The following ZNF30 variants were observed in gnomAD, a reference collection of about 807,000 sequenced individuals.
ZNF30 encodes zinc finger protein 30.
ZNF30 carries 15 observed loss-of-function variants against 13.2 expected under a neutral mutation model. The observed-to-expected ratio is 1.13, with a 90% CI of 0.76 to 1.75. The LOEUF is 1.75. ZNF30 is among the 40% of genes most tolerant of loss of function. The pLI is 0.00. For missense variants in ZNF30, 726 were observed against 757.0 expected, an observed-to-expected ratio of 0.96 and a Z score of 0.48; for synonymous variants, 223 against 256.6, an observed-to-expected ratio of 0.87 and a Z score of 1.25.
chr19:34,924,568 C>T (rs1023801727), upstream of ZNF30, among the ~76,000 whole-genome samples: 1 of 152,088 alleles, frequency 6.6e-6, no homozygotes, highest in Admixed American at 6.6e-5. Flanking sequence ...TAGATGAGTC[C>T]TTATTTGTCT....
chr19:34,943,726 C>G lies in ZNF30; in HGVS notation c.760C>G (p.His254Asp), dbSNP rs2013173051. Residue 254 changes from histidine (H) to aspartate (D), a missense_variant, in exon 5 of 5, where the codon CAC becomes GAC. Coordinates refer to ENST00000601142, the MANE Select transcript of ZNF30 (RefSeq NM_194325.3). Reference protein sequence around the residue: ...YGKLTRHQSTHTGEKPFGCEE... With the variant: ...YGKLTRHQSTDTGEKPFGCEE... ...AAAGCTTACCCGGCATCAGAGTACT[C>G]ACACTGGTGAAAAACCCTTTGGGTG... 3 of 1,613,722 alleles carry G rather than the reference C, an allele frequency of 1.9e-6. No individual in the cohort carries two copies. The highest frequency in any genetic ancestry group is 2.5e-6 in the Non-Finnish European group (3 of 1,179,752).
intron 4 of ZNF30, among the ~76,000 whole-genome samples, chr19:34,940,696 A>G (rs149851754): frequency 0.018 from 2,773 of 151,066 alleles, 75 homozygotes; most frequent in African/African-American, 0.065. Flanking sequence ...AAAAAAATAG[A>G]ATATCATATG....
intron 4 of ZNF30, among the ~76,000 whole-genome samples, chr19:34,940,738 G>T (rs1173492624): frequency 6.7e-6 from 1 of 149,976 alleles, no homozygotes; most frequent in African/African-American, 2.5e-5. Context: ...TTGCACAATA[G>T]CATTTATGAC....
intron 4 of ZNF30, among the ~76,000 whole-genome samples, chr19:34,941,385 C>CTCAT (rs2013040957): frequency 6.6e-6 from 1 of 152,212 alleles, no homozygotes; most frequent in Admixed American, 6.5e-5. Flanking sequence ...CTGCCTCAGC[C>CTCAT]TCCCAAGTAG....
intron 4 of ZNF30, among the ~76,000 whole-genome samples, chr19:34,935,412 T>C (rs2012676289): frequency 6.6e-6 from 1 of 152,044 alleles, no homozygotes; most frequent in South Asian, 2.1e-4. Context: ...GTTACCTTTC[T>C]CCCTCCCTGA....
chr19:34,939,695 G>C (rs745735482), intron 4 of ZNF30, among the ~76,000 whole-genome samples: 1 of 152,138 alleles, frequency 6.6e-6, no homozygotes, highest in Non-Finnish European at 1.5e-5. Flanking sequence ...GCAGGTTTTC[G>C]AGCAACACAG....
At chr19:34,933,586 C>CT in intron 3 of ZNF30, 42 bp from the exon 4 acceptor site, 1 of 1,432,758 alleles carries the variant, frequency 7.0e-7, no homozygotes, top group Non-Finnish European at 9.6e-7. Flanking sequence ...TATTTTTGAA[C>CT]TCATATTTTA....
At chr19:34,938,007 G>C (rs1352052551) in intron 4 of ZNF30, among the ~76,000 whole-genome samples, 17 of 152,080 alleles carry the variant, frequency 1.1e-4, no homozygotes, top group Non-Finnish European at 2.4e-4. Flanking sequence ...TGTTGTCCAG[G>C]TTGGTCTCAA....
chr19:34,926,612 A>G (rs1037994726), upstream of ZNF30: 3 of 192,492 alleles, frequency 1.6e-5, no homozygotes, highest in Non-Finnish European at 3.2e-5. Flanking sequence ...AGCGAAAAGC[A>G]AACAGTACGG....
chr19:34,924,592 T>C (rs1409856897), upstream of ZNF30, among the ~76,000 whole-genome samples: 1 of 152,196 alleles, frequency 6.6e-6, no homozygotes, highest in Admixed American at 6.5e-5. Context: ...ATGTCTCTAG[T>C]TCCTCCAGGA....
intron 2 of ZNF30, among the ~76,000 whole-genome samples, chr19:34,930,738 C>T (rs1356173620): frequency 6.6e-6 from 1 of 152,094 alleles, no homozygotes; most frequent in African/African-American, 2.4e-5. Context: ...GGGCACATGC[C>T]TGTAGTCCTA....
chr19:34,943,481 G>C lies in ZNF30; in HGVS notation c.515G>C (p.Gly172Ala). The change falls in exon 5 of 5, where the codon GGT (glycine) becomes GCT (alanine). Residue 172 changes from glycine (G) to alanine (A), a missense_variant. By Grantham distance (60) the Gly-to-Ala change is moderately conservative. Transcript: ENST00000601142. ...QLTIHQRLHV[G>A]EKPYKYEKCG... is the part of the protein sequence containing the mutation. ...ACCATACATCAGAGATTGCATGTTGGTGAGAAACCCTATAAATATGAAAAA... is the reference window on the plus strand; with the variant it reads ...ACCATACATCAGAGATTGCATGTTGCTGAGAAACCCTATAAATATGAAAAA... 3 of 1,613,938 alleles carry C rather than the reference G, an allele frequency of 1.9e-6. No homozygotes were observed.
upstream of ZNF30, among the ~76,000 whole-genome samples, chr19:34,924,497 C>A (rs2012000427): frequency 6.6e-6 from 1 of 152,132 alleles, no homozygotes; most frequent in Non-Finnish European, 1.5e-5. Flanking sequence ...TCTCAGAGAG[C>A]ACATTGTACA....
At chr19:34,933,981 A>C (rs1045417270) in intron 4 of ZNF30, among the ~76,000 whole-genome samples, 1 of 152,158 alleles carries the variant, frequency 6.6e-6, no homozygotes, top group Non-Finnish European at 1.5e-5. Flanking sequence ...TTCCCAGTGC[A>C]TTATTCCATC....
In ZNF30 at chr19:34,943,578, CAA is replaced by C; in HGVS notation, c.614_615del (p.Lys205MetfsTer2). The C allele has an allele frequency of 6.2e-7, 1 of 1,613,300 alleles. No homozygotes were observed. ...GRIHTGEKPL[K>X]CKQCGKTISG... ...GAATTCACACTGGTGAGAAGCCACTCAAATGTAAGCAATGTGGAAAGACTATT... is the reference window on the plus strand; with the variant it reads ...GAATTCACACTGGTGAGAAGCCACTCATGTAAGCAATGTGGAAAGACTATT... On this transcript the variant is annotated frameshift_variant, in exon 5 of 5. Coordinates refer to ENST00000601142, the MANE Select transcript of ZNF30 (RefSeq NM_194325.3). LOFTEE classifies it low-confidence loss of function (END_TRUNC).
At chr19:34,941,659 C>T (rs2013055664) in intron 4 of ZNF30, among the ~76,000 whole-genome samples, 1 of 152,264 alleles carries the variant, frequency 6.6e-6, no homozygotes, top group African/African-American at 2.4e-5. Flanking sequence ...ATGAATGGGC[C>T]ACAGTGATCC....
At chr19:34,930,180 A>G (rs1018402349) in intron 2 of ZNF30, among the ~76,000 whole-genome samples, 2 of 152,180 alleles carry the variant, frequency 1.3e-5, no homozygotes, top group African/African-American at 4.8e-5. Flanking sequence ...GTAAATAGTA[A>G]GTCTTAGCTG....
At chr19:34,931,039 CTTTTTTTTT>C (rs56153327) in intron 2 of ZNF30, among the ~76,000 whole-genome samples, 2 of 122,526 alleles carry the variant, frequency 1.6e-5, no homozygotes, top group African/African-American at 3.1e-5. Flanking sequence ...TTCTTTTTTT[CTTTTTTTTT>C]TTTTTTTGAG....
intron 1 of ZNF30, among the ~76,000 whole-genome samples, chr19:34,929,218 G>C (rs995407341): frequency 6.6e-6 from 1 of 152,202 alleles, no homozygotes; most frequent in Non-Finnish European, 1.5e-5. Flanking sequence ...GGGTGGCGTA[G>C]GTTGCCGTGA....
Sources: allele counts gnomAD v4.1 joint callset (sites outside exome capture counted in the v4.1 genomes callset), GRCh38; gene constraint gnomAD v4.1.1; transcripts MANE v1.5; gene names NCBI Gene and HGNC (gene_info 2026-07-23, HGNC 2026-07-21).